PRELID2: variants seen among roughly 807,000 people sequenced by gnomAD.
PRELID2 encodes the protein PRELI domain containing 2.
PRELID2 carries 25 observed loss-of-function variants against 28.4 expected under a neutral mutation model. The observed-to-expected ratio is 0.88, with a 90% CI of 0.64 to 1.23. PRELID2 has a LOEUF of 1.23. Ranked by LOEUF, PRELID2 falls within the 50% of genes most tolerant of loss-of-function variation. PRELID2 has a pLI of 0.00. For synonymous variants in PRELID2, 76 were observed against 71.6 expected, an observed-to-expected ratio of 1.06 and a Z score of -0.31; for missense variants, 201 against 214.4, an observed-to-expected ratio of 0.94 and a Z score of 0.39.
rs534110120 is a variant in PRELID2 at position 145,687,983 on chromosome 5, G to T, written n.70+76948C>A. 1.7e-4 allele frequency among the ~76,000 whole-genome samples: 26 copies of T among 152,274 alleles called. No homozygotes were observed. The South Asian group carries it at 2.9e-3, about 17-fold the overall frequency. ...CAAGTCTTTGTTTCTTCATTGCATG[G>T]TGCAGCCTCAGAAAAGCACTCACAT... is the stretch of plus-strand genomic sequence containing the variant. On this transcript the variant is annotated intron_variant and non_coding_transcript_variant, in intron 1 of 2. Coordinates refer to the PRELID2 transcript ENST00000510259.
intron 1 of PRELID2, among the ~76,000 whole-genome samples, chr5:145,576,255 T>A (rs1355075526): frequency 6.6e-6 from 1 of 152,140 alleles, no homozygotes; most frequent in East Asian, 1.9e-4. Flanking sequence ...AAACCCCATA[T>A]TAGCAGTCAC....
At position 145,710,560 on chromosome 5, in the gene PRELID2, A is replaced by G. The variant is rs144014242; in HGVS notation, n.70+54371T>C. Among the ~76,000 whole-genome samples, 6 of 152,338 alleles carry G rather than the reference A, an allele frequency of 3.9e-5. No homozygotes were observed. The East Asian group carries it at 1.2e-3, about 29-fold the overall frequency. ...TGTCAGAGGAATTCTTCTCCCCTGA[A>G]CTATGGCTAAAACAGAGAACGAACT... On this transcript the variant is annotated intron_variant and non_coding_transcript_variant, in intron 1 of 2. Transcript: ENST00000510259.
At chr5:145,331,685 C>A in the PRELID2 span, among the ~76,000 whole-genome samples, 10 of 152,018 alleles carry the variant, frequency 6.6e-5, no homozygotes, top group African/African-American at 2.4e-4. Flanking sequence ...GATATGTCTC[C>A]TGAATACAGC....
intron 1 of PRELID2, among the ~76,000 whole-genome samples, chr5:145,693,496 C>G (rs1478505003): frequency 6.6e-6 from 1 of 151,048 alleles, no homozygotes; most frequent in East Asian, 1.9e-4. Context: ...TAGCCAGGTG[C>G]AGTGGCTCAT....
At chr5:145,750,247 A>G (rs985289318) in intron 1 of PRELID2, among the ~76,000 whole-genome samples, 4 of 151,880 alleles carry the variant, frequency 2.6e-5, no homozygotes, top group African/African-American at 7.3e-5. Context: ...GTGTTTAACT[A>G]TGTGCCAGGA....
intron 1 of PRELID2, among the ~76,000 whole-genome samples, chr5:145,666,791 G>C (rs1052025054): frequency 2.6e-5 from 4 of 152,024 alleles, no homozygotes; most frequent in African/African-American, 9.7e-5. Flanking sequence ...TGTTTGACAA[G>C]CACAGAAGGA....
At chr5:145,709,232 C>T (rs975521981) in intron 1 of PRELID2, among the ~76,000 whole-genome samples, 21 of 152,226 alleles carry the variant, frequency 1.4e-4, no homozygotes, top group African/African-American at 5.1e-4. Context: ...ACAGTTAATC[C>T]TCTCTTCTTG....
chr5:145,803,079 T>A (rs1430820183), intron 4 of PRELID2, among the ~76,000 whole-genome samples: 1 of 152,114 alleles, frequency 6.6e-6, no homozygotes, highest in African/African-American at 2.4e-5. Context: ...CCACAGATAC[T>A]CTTGTTGTGA....
intron 4 of PRELID2, among the ~76,000 whole-genome samples, chr5:145,801,819 T>C (rs906845291): frequency 6.6e-6 from 1 of 152,194 alleles, no homozygotes; most frequent in Admixed American, 6.6e-5. Context: ...CTAGAATCAA[T>C]CTAAACATCC....
At chr5:145,754,753 C>T (rs1266604205), downstream of PRELID2, among the ~76,000 whole-genome samples, 1 of 152,142 alleles carries the variant, frequency 6.6e-6, no homozygotes, top group Non-Finnish European at 1.5e-5. Context: ...TTTACAAATG[C>T]ATAGCTCATT....
intron 5 of PRELID2, among the ~76,000 whole-genome samples, chr5:145,771,237 C>T (rs1758085531): frequency 6.6e-6 from 1 of 152,054 alleles, no homozygotes; most frequent in Admixed American, 6.6e-5. Context: ...CAGTACAGTA[C>T]ATGAGTACAG....
At chr5:145,713,377 A>ACT (rs1192174085) in intron 1 of PRELID2, among the ~76,000 whole-genome samples, 3 of 114,264 alleles carry the variant, frequency 2.6e-5, no homozygotes, top group African/African-American at 1.1e-4. Flanking sequence ...TATACTTTAC[A>ACT]TTATATATAT....
At chr5:145,285,402 G>A in the PRELID2 span, among the ~76,000 whole-genome samples, 15 of 152,096 alleles carry the variant, frequency 9.9e-5, 1 homozygote, top group African/African-American at 1.7e-4. Flanking sequence ...CCCCCGCTCC[G>A]CCCAGTTTCC....
chr5:145,349,532 G>A, the PRELID2 span, among the ~76,000 whole-genome samples: 1 of 151,758 alleles, frequency 6.6e-6, no homozygotes, highest in Non-Finnish European at 1.5e-5. Flanking sequence ...CAGGATAATT[G>A]TTTCTTGAAA....
chr5:145,376,988 A>C, the PRELID2 span, among the ~76,000 whole-genome samples: 1 of 151,974 alleles, frequency 6.6e-6, no homozygotes, highest in Non-Finnish European at 1.5e-5. Flanking sequence ...TAGGTTGTTA[A>C]TGTGAGATCT....
At chr5:145,394,155 A>G in the PRELID2 span, among the ~76,000 whole-genome samples, 5 of 152,190 alleles carry the variant, frequency 3.3e-5, no homozygotes, top group East Asian at 1.9e-4. Flanking sequence ...GGCACTATTC[A>G]CAATAGCAAA....
At chr5:145,597,159 G>T (rs1411882098) in intron 1 of PRELID2, among the ~76,000 whole-genome samples, 1 of 152,166 alleles carries the variant, frequency 6.6e-6, no homozygotes, top group Non-Finnish European at 1.5e-5. Context: ...TTCTAGATCT[G>T]AGAAAATTTA....
At chr5:145,389,732 AAGTT>A in the PRELID2 span, among the ~76,000 whole-genome samples, 1 of 152,170 alleles carries the variant, frequency 6.6e-6, no homozygotes, top group African/African-American at 2.4e-5. Context: ...TTGGAAATGA[AAGTT>A]AGGTTGCTCA....
At chr5:145,508,622 G>A (rs368961327) in intron 1 of PRELID2, among the ~76,000 whole-genome samples, 19 of 152,188 alleles carry the variant, frequency 1.2e-4, no homozygotes, top group Middle Eastern at 3.4e-3. Context: ...AGGATTTTGG[G>A]ATCTAGATAT....
Sources: gnomAD v4.1 joint callset for allele counts (sites outside exome capture counted in the v4.1 genomes callset) on GRCh38, gnomAD v4.1.1 for gene constraint, MANE v1.5 for transcripts, NCBI Gene and HGNC (gene_info 2026-07-23, HGNC 2026-07-21) for gene names.